SCMH1: variants seen among roughly 807,000 people sequenced by gnomAD.
The protein encoded by SCMH1 is Scm polycomb group protein homolog 1.
SCMH1 carries 37 observed loss-of-function variants against 70.8 expected under a neutral mutation model. The ratio of observed to expected loss-of-function variants is 0.52; its 90% confidence interval spans 0.40 to 0.69. The LOEUF (loss-of-function observed/expected upper bound fraction) is 0.69. SCMH1 is among the 30% of genes least tolerant of loss of function. The pLI is 0.00. For synonymous variants in SCMH1, 292 were observed against 307.4 expected (o/e 0.95, Z 0.52); for missense variants, 607 against 827.3 (o/e 0.73, Z 3.27).
intron 5 of SCMH1, among the ~76,000 whole-genome samples, chr1:41,150,477 T>A (rs555413491): frequency 4.6e-5 from 7 of 152,262 alleles, no homozygotes; most frequent in Admixed American, 1.3e-4. Flanking sequence ...CACTCCAGCC[T>A]GGGTGACAGA....
exon 13 of SCMH1, chr1:41,037,444 G>A (rs769632981): frequency 6.2e-7 from 1 of 1,614,232 alleles, no homozygotes; most frequent in South Asian, 1.1e-5. Context: ...GCCTTTGGGA[G>A]GTGCTGACAA....
chr1:41,210,174 G>A (rs1286716663), intron 1 of SCMH1, among the ~76,000 whole-genome samples: 1 of 152,160 alleles, frequency 6.6e-6, no homozygotes, highest in Non-Finnish European at 1.5e-5. Flanking sequence ...CCTCTTCAAG[G>A]AGAACTACAA....
exon 5 of SCMH1, chr1:41,151,661 G>C: frequency 6.2e-7 from 1 of 1,611,768 alleles, no homozygotes; most frequent in Non-Finnish European, 8.5e-7. Context: ...GTTTCTTTTA[G>C]GTATTTGTCC....
intron 1 of SCMH1, among the ~76,000 whole-genome samples, chr1:41,237,317 C>T (rs1045910211): frequency 1.3e-5 from 2 of 152,158 alleles, no homozygotes; most frequent in Non-Finnish European, 2.9e-5. Flanking sequence ...AAGATTACTG[C>T]AAAGATTAAC....
chr1:41,047,521 C>T (rs1301653028), intron 11 of SCMH1, among the ~76,000 whole-genome samples: 3 of 151,862 alleles, frequency 2.0e-5, no homozygotes, highest in Admixed American at 6.6e-5. Flanking sequence ...CTCAGCCTCC[C>T]GAGTATCTGG....
At chr1:41,178,993 C>T (rs530387870) in intron 2 of SCMH1, among the ~76,000 whole-genome samples, 1 of 152,190 alleles carries the variant, frequency 6.6e-6, no homozygotes, top group Non-Finnish European at 1.5e-5. Context: ...AAGTAAAGCA[C>T]TCCTCAGCAA....
rs555732088 is a variant in SCMH1, at chr1:41,031,431, C to T, written c.1679-2705G>A. ...TCCCATTTGCCTTCATTCTGGGTCC[C>T]GGGCCTAAAAAGTCAAAGTACACTT... On this transcript the variant is annotated intron_variant, in intron 13 of 14. Transcript: ENST00000337495. 1.0e-3 allele frequency among the ~76,000 whole-genome samples: 159 copies of T among 152,288 alleles called. 1 individual carries two copies. The highest frequency in any genetic ancestry group is 8.3e-4 in the South Asian group (4 of 4,828).
chr1:41,186,895 T>G (rs1017329284), intron 1 of SCMH1, among the ~76,000 whole-genome samples: 1 of 152,114 alleles, frequency 6.6e-6, no homozygotes, highest in Non-Finnish European at 1.5e-5. Flanking sequence ...TTTGAGGATA[T>G]AAATTTCTAT....
intron 4 of SCMH1, among the ~76,000 whole-genome samples, chr1:41,156,279 C>T (rs1034438020): frequency 6.6e-6 from 1 of 152,154 alleles, no homozygotes; most frequent in African/African-American, 2.4e-5. Context: ...CTTTGTTCAA[C>T]CTAAATGTGA....
At chr1:41,052,531 A>G (rs1025952484) in intron 10 of SCMH1, among the ~76,000 whole-genome samples, 1 of 152,194 alleles carries the variant, frequency 6.6e-6, no homozygotes, top group Non-Finnish European at 1.5e-5. Context: ...TCGATGTACT[A>G]TGGTATTCAC....
At chr1:41,118,689 T>C (rs1274085704) in intron 6 of SCMH1, among the ~76,000 whole-genome samples, 1 of 152,224 alleles carries the variant, frequency 6.6e-6, no homozygotes, top group Non-Finnish European at 1.5e-5. Flanking sequence ...CTGTCCATTA[T>C]CACCTATCAA....
chr1:41,028,634 G>A lies in SCMH1; in HGVS notation c.1771C>T (p.Arg591Trp), dbSNP rs748662296. 42 of 1,614,046 alleles carry A rather than the reference G, an allele frequency of 2.6e-5. No homozygotes were observed. The East Asian group carries it at 3.3e-4, about 13-fold the overall frequency. ...GGTCCAAGCTGAGGATCAGCTTCCC[G>A]GACAAACTGCATCACATCCTCGACT... is the stretch of plus-strand genomic sequence containing the variant. Residue 591 changes from arginine (R) to tryptophan (W), a missense_variant, in exon 14 of 15, where the codon CGG becomes TGG. Physicochemically the swap from Arg to Trp is moderately radical, Grantham distance 101 (BLOSUM62 -3). Transcript: ENST00000337495.
intron 1 of SCMH1, among the ~76,000 whole-genome samples, chr1:41,195,916 A>C (rs1333429426): frequency 2.0e-5 from 3 of 152,230 alleles, no homozygotes; most frequent in Non-Finnish European, 4.4e-5. Context: ...TCTATATGCT[A>C]GCTATGAACA....
chr1:41,225,780 A>C (rs1360640819), intron 1 of SCMH1, among the ~76,000 whole-genome samples: 1 of 152,254 alleles, frequency 6.6e-6, no homozygotes, highest in Non-Finnish European at 1.5e-5. Context: ...TATGGCAAGA[A>C]GCAGTGACTG....
At chr1:41,187,317 C>T (rs928844754) in intron 1 of SCMH1, among the ~76,000 whole-genome samples, 10 of 151,078 alleles carry the variant, frequency 6.6e-5, no homozygotes, top group Non-Finnish European at 1.5e-4. Flanking sequence ...CAAAAATTAG[C>T]CAAGCATGGT....
At chr1:41,177,652 A>G (rs546148809) in intron 2 of SCMH1, among the ~76,000 whole-genome samples, 1 of 152,348 alleles carries the variant, frequency 6.6e-6, no homozygotes, top group African/African-American at 2.4e-5. Context: ...ATGGAAGATC[A>G]AATGAATGAA....
At chr1:41,110,072 C>T (rs1406752361) in intron 8 of SCMH1, among the ~76,000 whole-genome samples, 1 of 152,200 alleles carries the variant, frequency 6.6e-6, no homozygotes, top group Non-Finnish European at 1.5e-5. Context: ...TATTACCTCA[C>T]AGTGCTTCCT....
At chr1:41,125,630 T>C in intron 6 of SCMH1, among the ~76,000 whole-genome samples, 1 of 151,858 alleles carries the variant, frequency 6.6e-6, no homozygotes, top group East Asian at 1.9e-4. Flanking sequence ...TGGAGTGCAA[T>C]AGCATGATCA....
At chr1:41,034,038 T>G in intron 13 of SCMH1, 1 of 1,610,706 alleles carries the variant, frequency 6.2e-7, no homozygotes, top group Non-Finnish European at 8.5e-7. Context: ...CATTTGATCC[T>G]TTTAACACTC....
Sources: gnomAD v4.1 joint callset for allele counts (sites outside exome capture counted in the v4.1 genomes callset) on GRCh38, gnomAD v4.1.1 for gene constraint, MANE v1.5 for transcripts, NCBI Gene and HGNC (gene_info 2026-07-23, HGNC 2026-07-21) for gene names.